Variants in GPC6 observed in about 807,000 individuals in gnomAD.
GPC6 encodes glypican 6.
GPC6 carries 14 observed loss-of-function variants against 55.2 expected under a neutral mutation model. The ratio of observed to expected loss-of-function variants is 0.25; its 90% CI spans 0.17 to 0.40. The LOEUF (loss-of-function observed/expected upper bound fraction) is 0.40. Among genes scored for constraint, GPC6 ranks in the 10% least tolerant of loss-of-function variants. The pLI is 1.00. For synonymous variants in GPC6, 278 were observed against 259.6 expected (o/e 1.07, Z -0.68); for missense variants, 641 against 708.5 (o/e 0.90, Z 1.08).
intron 4 of GPC6, among the ~76,000 whole-genome samples, chr13:94,057,070 C>T (rs1227456917): frequency 2.0e-5 from 3 of 152,180 alleles, no homozygotes; most frequent in Non-Finnish European, 2.9e-5. Context: ...TTTTTAAAAT[C>T]TATTCCCTTT....
chr13:94,261,116 A>G (rs949609893), intron 4 of GPC6, among the ~76,000 whole-genome samples: 3 of 152,148 alleles, frequency 2.0e-5, no homozygotes, highest in African/African-American at 7.2e-5. Context: ...TCTACTAAAA[A>G]TACAAAAATT....
At chr13:93,603,812 A>AGAT (rs1878124590) in intron 2 of GPC6, among the ~76,000 whole-genome samples, 1 of 152,250 alleles carries the variant, frequency 6.6e-6, no homozygotes, top group Non-Finnish European at 1.5e-5. Context: ...TACGAGAAAC[A>AGAT]GATACTTTTT....
At chr13:93,948,566 C>T (rs1483501447) in intron 3 of GPC6, among the ~76,000 whole-genome samples, 1 of 152,072 alleles carries the variant, frequency 6.6e-6, no homozygotes, top group African/African-American at 2.4e-5. Flanking sequence ...GTCCCTGATA[C>T]AAAGTATGTT....
At chr13:93,980,609 G>A (rs981060875) in intron 3 of GPC6, among the ~76,000 whole-genome samples, 16 of 152,112 alleles carry the variant, frequency 1.1e-4, no homozygotes, top group African/African-American at 3.4e-4. Flanking sequence ...AGATTGCCTT[G>A]GGCCACAGGA....
chr13:93,650,557 C>T (rs1305305509), intron 2 of GPC6, among the ~76,000 whole-genome samples: 2 of 151,980 alleles, frequency 1.3e-5, no homozygotes, highest in Admixed American at 1.3e-4. Flanking sequence ...ATATAGAAGA[C>T]AGTTTCATGA....
At chr13:94,085,881 C>T (rs1237824557) in intron 4 of GPC6, among the ~76,000 whole-genome samples, 4 of 152,214 alleles carry the variant, frequency 2.6e-5, no homozygotes, top group East Asian at 1.9e-4. Flanking sequence ...ACTGAGTTTT[C>T]ATTAGTTACC....
At chr13:93,821,233 C>A (rs983340538) in intron 2 of GPC6, among the ~76,000 whole-genome samples, 1 of 152,038 alleles carries the variant, frequency 6.6e-6, no homozygotes, top group Non-Finnish European at 1.5e-5. Context: ...AATGTGAAAA[C>A]CATTCTTAGC....
At chr13:94,115,667 A>T (rs1455798447) in intron 4 of GPC6, among the ~76,000 whole-genome samples, 2 of 152,108 alleles carry the variant, frequency 1.3e-5, no homozygotes, top group Non-Finnish European at 2.9e-5. Context: ...ATTCTAAAGG[A>T]GAAATTCCTG....
intron 1 of GPC6, among the ~76,000 whole-genome samples, chr13:93,292,248 T>C (rs921615593): frequency 6.6e-6 from 1 of 152,078 alleles, no homozygotes; most frequent in Non-Finnish European, 1.5e-5. Context: ...ATGCAGAAAA[T>C]AATGCAAGGC....
At chr13:93,531,028 C>A (rs928908552) in intron 1 of GPC6, among the ~76,000 whole-genome samples, 1 of 151,952 alleles carries the variant, frequency 6.6e-6, no homozygotes, top group South Asian at 2.1e-4. Context: ...CTGACACTGA[C>A]GGATACTGAA....
intron 3 of GPC6, among the ~76,000 whole-genome samples, chr13:93,922,630 A>G (rs1213435517): frequency 6.6e-6 from 1 of 152,184 alleles, no homozygotes; most frequent in Non-Finnish European, 1.5e-5. Flanking sequence ...GTCTCTAGAC[A>G]TTGTCAGATG....
intron 3 of GPC6, among the ~76,000 whole-genome samples, chr13:93,861,552 A>G (rs144481852): frequency 1.5e-3 from 229 of 151,802 alleles, no homozygotes; most frequent in African/African-American, 5.3e-3. Context: ...ATTCTCTCCC[A>G]ACAAAATGTT....
chr13:93,623,455 C>CTTTTCTTTTCT (rs1555317483), intron 2 of GPC6, among the ~76,000 whole-genome samples: 8 of 116,164 alleles, frequency 6.9e-5, no homozygotes, highest in Non-Finnish European at 1.2e-4. Flanking sequence ...CTTTTCTTTT[C>CTTTTCTTTTCT]TTTTTTTTTT....
intron 2 of GPC6, among the ~76,000 whole-genome samples, chr13:93,658,005 TG>T (rs1452957692): frequency 6.6e-6 from 1 of 152,062 alleles, no homozygotes; most frequent in Non-Finnish European, 1.5e-5. Flanking sequence ...CTGGTGGAAA[TG>T]TAAATTAGTT....
intron 3 of GPC6, among the ~76,000 whole-genome samples, chr13:93,928,894 T>C (rs1031329275): frequency 6.2e-5 from 5 of 80,160 alleles, no homozygotes; most frequent in African/African-American, 2.4e-4. Flanking sequence ...CACACACACA[T>C]CTATATAGTA....
chr13:94,020,286 C>T (rs1882646779), intron 3 of GPC6, among the ~76,000 whole-genome samples: 1 of 152,162 alleles, frequency 6.6e-6, no homozygotes, highest in African/African-American at 2.4e-5. Context: ...TCCTTGTGAA[C>T]TTTTCAGTTT....
At chr13:94,379,022 T>G (rs1373537639) in intron 6 of GPC6, among the ~76,000 whole-genome samples, 1 of 151,984 alleles carries the variant, frequency 6.6e-6, no homozygotes, top group African/African-American at 2.4e-5. Flanking sequence ...AAAGCTTAAT[T>G]CACAGTTGTG....
At chr13:94,310,011 G>A (rs566391720) in intron 6 of GPC6, among the ~76,000 whole-genome samples, 6 of 152,144 alleles carry the variant, frequency 3.9e-5, no homozygotes, top group African/African-American at 9.6e-5. Context: ...TTTAAAAGAC[G>A]GTTCCAATTC....
At chr13:93,384,441 G>A (rs539105438) in intron 1 of GPC6, among the ~76,000 whole-genome samples, 4 of 151,198 alleles carry the variant, frequency 2.6e-5, no homozygotes, top group South Asian at 4.2e-4. Flanking sequence ...AATCAGATTA[G>A]TAACGTGATT....
Sources: gnomAD v4.1 joint callset for allele counts (sites outside exome capture counted in the v4.1 genomes callset) on GRCh38, gnomAD v4.1.1 for gene constraint, MANE v1.5 for transcripts, NCBI Gene and HGNC (gene_info 2026-07-23, HGNC 2026-07-21) for gene names.